NUP88: variants seen among roughly 807,000 people sequenced by gnomAD.
The protein encoded by NUP88 is nucleoporin 88, also known as nuclear pore complex protein Nup88.
Under a neutral mutation model 93.9 loss-of-function variants are expected in NUP88, and 57 were observed. The ratio of observed to expected loss-of-function variants is 0.61; its 90% CI spans 0.49 to 0.76. The LOEUF is 0.76. Among genes scored for constraint, NUP88 ranks in the 30% least tolerant of loss-of-function variants. The probability of loss-of-function intolerance (pLI) is 0.00; values close to 1 mark genes in which losing one functional copy is unlikely to be tolerated. For synonymous variants in NUP88, 346 were observed against 336.8 expected, an observed-to-expected ratio of 1.03 and a Z score of -0.30; for missense variants, 911 against 901.0, an observed-to-expected ratio of 1.01 and a Z score of -0.14.
intron 7 of NUP88, among the ~76,000 whole-genome samples, chr17:5,403,136 G>A (rs1432526393): frequency 5.9e-5 from 9 of 152,164 alleles, no homozygotes; most frequent in Non-Finnish European, 1.3e-4. Context: ...TTGAGGCCAG[G>A]AGTTTGAGAC....
intron 11 of NUP88, chr17:5,388,358 T>C (rs558206085): frequency 5.2e-4 from 85 of 162,514 alleles, no homozygotes; most frequent in Middle Eastern, 3.2e-3. Context: ...GGATCTCAGC[T>C]CACTGCAACC....
At chr17:5,393,573 A>G (rs952244830) in intron 9 of NUP88, among the ~76,000 whole-genome samples, 1 of 150,902 alleles carries the variant, frequency 6.6e-6, no homozygotes, top group African/African-American at 2.4e-5. Context: ...AGTAGCTGGG[A>G]TTGCAGGTGT....
intron 11 of NUP88, 98 bp from the exon 12 acceptor site, chr17:5,388,002 TTTTAA>T (rs1380600264): frequency 4.3e-5 from 53 of 1,232,016 alleles, no homozygotes; most frequent in African/African-American, 1.1e-4. Context: ...CTTTTTATAT[TTTTAA>T]TTTATTTATT....
intron 10 of NUP88, among the ~76,000 whole-genome samples, chr17:5,389,890 G>C (rs1271686647): frequency 1.3e-5 from 2 of 151,756 alleles, no homozygotes; most frequent in East Asian, 3.9e-4. Context: ...AATTGGCCTG[G>C]CACGGTGGCT....
chr17:5,398,334 G>C (rs1912914817), intron 8 of NUP88, among the ~76,000 whole-genome samples: 1 of 152,134 alleles, frequency 6.6e-6, no homozygotes, highest in Admixed American at 6.6e-5. Context: ...CTGTCACCCA[G>C]GCTGGAGTGC....
intron 1 of NUP88, among the ~76,000 whole-genome samples, 170 bp downstream of exon 1, chr17:5,419,184 A>G (rs1369587167): frequency 1.3e-5 from 2 of 152,222 alleles, no homozygotes; most frequent in African/African-American, 4.8e-5. Flanking sequence ...CCAGGCCTCC[A>G]GGCCGTAAGC....
Position 5,416,593 on chromosome 17 carries a change from T to C in NUP88, c.387A>G (p.Lys129=). ...TQHHVALIGI[K]GLMVLELPKR... is the part of the protein sequence containing the mutation. ...TAGGTAATTCTAATACCATAAGTCC[T>C]TTTATTCCTATAAGTGCTACATGAT... The change falls in exon 2 of 17, where the codon AAA becomes AAG. Residue 129 remains lysine (K), a synonymous_variant. Transcript: ENST00000573584. 6.2e-7 allele frequency: 1 copy of C among 1,611,916 alleles called. No individual in the cohort carries two copies. The highest frequency in any genetic ancestry group is 1.7e-5 in the Admixed American group (1 of 59,824).
intron 2 of NUP88, among the ~76,000 whole-genome samples, chr17:5,415,049 TCA>T (rs1044474636): frequency 1.3e-5 from 2 of 151,674 alleles, no homozygotes; most frequent in Non-Finnish European, 2.9e-5. Flanking sequence ...AGATGAAGTC[TCA>T]CTCTGTGGCC....
intron 11 of NUP88, 164 bp downstream of exon 11, chr17:5,388,637 CT>C: frequency 1.7e-6 from 1 of 600,428 alleles, no homozygotes; most frequent in Non-Finnish European, 2.7e-6. Flanking sequence ...TCAGGTGCCA[CT>C]TCCCTCCTGC....
At chr17:5,413,867 T>C (rs1326942930) in intron 3 of NUP88, 142 bp downstream of exon 3, 8 of 796,392 alleles carry the variant, frequency 1.0e-5, no homozygotes, top group Middle Eastern at 2.9e-4. Flanking sequence ...ATTCTTATGA[T>C]TGAGAATGGG....
In NUP88 at chr17:5,386,187, G is replaced by C. The variant is rs776950646; in HGVS notation, c.*19C>G. On this transcript the variant is annotated 3_prime_UTR_variant, in exon 17 of 17. Transcript: ENST00000573584. ...CTTCAATGGTGTTCAGTTCAGGTGTGAGTCAGCTCCTGGTGGTGTCAGAAG... is the reference window on the plus strand; with the variant it reads ...CTTCAATGGTGTTCAGTTCAGGTGTCAGTCAGCTCCTGGTGGTGTCAGAAG... 3.1e-6 allele frequency: 5 copies of C among 1,601,170 alleles called. No individual in the cohort carries two copies. Among genetic ancestry groups the C allele is most frequent in the Middle Eastern group, 3.3e-4 (2 of 6,064 alleles).
At chr17:5,416,158 A>AGTAT (rs1398677145) in intron 2 of NUP88, among the ~76,000 whole-genome samples, 39 of 94,030 alleles carry the variant, frequency 4.1e-4, no homozygotes, top group South Asian at 1.3e-3. Flanking sequence ...AAAAAAAAAA[A>AGTAT]AAAAAAAAGT....
At chr17:5,409,228 G>A (rs987050812) in intron 4 of NUP88, among the ~76,000 whole-genome samples, 4 of 152,182 alleles carry the variant, frequency 2.6e-5, no homozygotes, top group East Asian at 3.9e-4. Context: ...ACAAAAATTA[G>A]TTGGGCGTGG....
chr17:5,414,871 T>C (rs947498776), intron 2 of NUP88, among the ~76,000 whole-genome samples: 2 of 151,884 alleles, frequency 1.3e-5, no homozygotes, highest in Non-Finnish European at 2.9e-5. Context: ...GAGCTGAGCT[T>C]GTGCCACTGC....
intron 1 of NUP88, among the ~76,000 whole-genome samples, chr17:5,417,100 G>A (rs1914198141): frequency 6.6e-6 from 1 of 152,138 alleles, no homozygotes; most frequent in South Asian, 2.1e-4. Flanking sequence ...GCCTCCTAAA[G>A]TGCTGATTAT....
rs61030115 is a variant in NUP88 at position 5,402,307 on chromosome 17, CAA to C, written c.1192+1790_1192+1791del. Among the ~76,000 whole-genome samples the C allele has an allele frequency of 4.0e-4, 58 of 145,666 alleles. 1 individual carries two copies. In the South Asian group the frequency reaches 4.9e-3, roughly 12 times the overall value. On this transcript the variant is annotated intron_variant, in intron 7 of 16. Coordinates refer to ENST00000573584, the MANE Select transcript of NUP88 (RefSeq NM_002532.6). ...GGGCAACAGGAGCAAAACTCCATCT[CAA>C]AAAAAAAAACAAAAAACAAAATACA...
chr17:5,389,580 C>T (rs1325277564), intron 10 of NUP88, among the ~76,000 whole-genome samples: 3 of 151,698 alleles, frequency 2.0e-5, no homozygotes, highest in Non-Finnish European at 4.4e-5. Context: ...GCGTTCAAGA[C>T]AAGCCTGGCC....
chr17:5,388,756 C>T, intron 11 of NUP88, 46 bp downstream of exon 11: 1 of 1,542,790 alleles, frequency 6.5e-7, no homozygotes, highest in Non-Finnish European at 8.8e-7. Context: ...ATTCTGAAGA[C>T]AGAAGAGAAC....
rs766798063 is a variant in NUP88 at position 5,416,516 on chromosome 17, C to T, written c.464G>A (p.Cys155Tyr). Residue 155 changes from cysteine (C) to tyrosine (Y), a missense_variant, in exon 2 of 17, where the codon TGT (cysteine) becomes TAT (tyrosine). Coordinates refer to ENST00000573584, the MANE Select transcript of NUP88 (RefSeq NM_002532.6). ...AGATAAATAGTATACAACTTACCTA[C>T]AATTCACTGTTGATTTTCCACCTTC... ...EFEGGKSTVN[C>Y]STTPVAERFF... 6.2e-7 allele frequency: 1 copy of T among 1,603,994 alleles called. No individual in the cohort carries two copies. Among genetic ancestry groups the T allele is most frequent in the South Asian group, 1.1e-5 (1 of 88,924 alleles).
Sources: allele counts gnomAD v4.1 joint callset (sites outside exome capture counted in the v4.1 genomes callset), GRCh38; gene constraint gnomAD v4.1.1; transcripts MANE v1.5; gene names NCBI Gene and HGNC (gene_info 2026-07-23, HGNC 2026-07-21).